The following KIAA1671 variants were observed in gnomAD, a reference collection of about 807,000 sequenced individuals.
KIAA1671 encodes the protein KIAA1671.
KIAA1671 carries 52 observed loss-of-function variants against 131.2 expected under a neutral mutation model. That is an observed-to-expected ratio of 0.40 (90% confidence interval 0.32 to 0.50). KIAA1671 has a LOEUF of 0.50. Ranked by LOEUF, KIAA1671 falls within the 20% of genes least tolerant of loss-of-function variation. KIAA1671 has a pLI of 0.73. For synonymous variants in KIAA1671, 1,003 were observed against 961.6 expected, an observed-to-expected ratio of 1.04 and a Z score of -0.80; for missense variants, 2,360 against 2,364.2, an observed-to-expected ratio of 1.00 and a Z score of 0.04.
chr22:25,006,014 T>TAGC (rs1360928320), intron 1 of KIAA1671, among the ~76,000 whole-genome samples: 1 of 152,088 alleles, frequency 6.6e-6, no homozygotes, highest in African/African-American at 2.4e-5. Context: ...GAGCATTGAA[T>TAGC]AGCCAATTTT....
chr22:25,182,865 C>T (rs1383403552), intron 10 of KIAA1671, among the ~76,000 whole-genome samples: 3 of 152,192 alleles, frequency 2.0e-5, no homozygotes, highest in Non-Finnish European at 4.4e-5. Context: ...AGAAAATGAT[C>T]ATTTCAGTAC....
At chr22:25,130,709 G>A (rs2145944160) in intron 6 of KIAA1671, among the ~76,000 whole-genome samples, 1 of 152,338 alleles carries the variant, frequency 6.6e-6, no homozygotes, top group African/African-American at 2.4e-5. Flanking sequence ...ACTCGGAGCT[G>A]TGCCTTTCCC....
chr22:25,031,150 C>T (rs1369596984), intron 3 of KIAA1671, among the ~76,000 whole-genome samples: 3 of 151,990 alleles, frequency 2.0e-5, no homozygotes, highest in East Asian at 1.9e-4. Context: ...CCTCAGCCTC[C>T]GCAGTAGCTG....
chr22:25,030,258 C>A (rs1330251548), intron 3 of KIAA1671, among the ~76,000 whole-genome samples: 1 of 151,876 alleles, frequency 6.6e-6, no homozygotes, highest in Non-Finnish European at 1.5e-5. Flanking sequence ...TGTTCTAGGC[C>A]GGGCGCGGTG....
chr22:25,187,377 T>A (rs548585101), intron 11 of KIAA1671, among the ~76,000 whole-genome samples: 1 of 152,364 alleles, frequency 6.6e-6, no homozygotes, highest in East Asian at 1.9e-4. Flanking sequence ...TTCTTTGTAA[T>A]GTAGCTGAGA....
At position 24,997,855 on chromosome 22, in the gene KIAA1671, ACC is replaced by A. The variant is rs771518816; in HGVS notation, c.-207-27775_-207-27774del. Among the ~76,000 whole-genome samples, 13 of 152,192 alleles carry A rather than the reference ACC, an allele frequency of 8.5e-5. 1 individual carries two copies. Among genetic ancestry groups the A allele is most frequent in the South Asian group, 4.2e-4 (2 of 4,808 alleles). On this transcript the variant is annotated intron_variant, in intron 1 of 12. Transcript: ENST00000358431. ...CTCAGGTCCCAGAGAGCATCTTTAT[ACC>A]CCTTCCTAGTCACAGTCCCCAAAAG...
intron 1 of KIAA1671, among the ~76,000 whole-genome samples, chr22:24,972,540 C>T (rs1340989670): frequency 1.3e-5 from 2 of 152,320 alleles, no homozygotes; most frequent in Admixed American, 1.3e-4. Flanking sequence ...ATTCATCTAT[C>T]ATTTCATTCA....
At chr22:25,081,832 G>A (rs1387150324) in intron 6 of KIAA1671, among the ~76,000 whole-genome samples, 1 of 152,048 alleles carries the variant, frequency 6.6e-6, no homozygotes, top group Non-Finnish European at 1.5e-5. Context: ...GGAAGGAGAA[G>A]GGAGGATCAT....
intron 6 of KIAA1671, among the ~76,000 whole-genome samples, chr22:25,104,329 C>G (rs369074461): frequency 4.2e-4 from 64 of 152,160 alleles, no homozygotes; most frequent in African/African-American, 1.5e-3. Context: ...CTAGGATGCA[C>G]AGTCCTGGAA....
At position 25,038,943 on chromosome 22, in the gene KIAA1671, C is replaced by G; in HGVS notation, c.1813C>G (p.Arg605Gly). The G allele has an allele frequency of 6.4e-7, 1 of 1,551,668 alleles. No homozygotes were observed. The highest frequency in any genetic ancestry group is 8.7e-7 in the Non-Finnish European group (1 of 1,146,994). The change falls in exon 5 of 13, where the codon CGG becomes GGG. Residue 605 changes from arginine (R) to glycine (G), a missense_variant. Arg to Gly is a moderately radical substitution (Grantham distance 125, BLOSUM62 -2). Coordinates refer to ENST00000358431, the MANE Select transcript of KIAA1671 (RefSeq NM_001145206.2). ...TTCTGACGTCACTCCAGAGGATGAC[C>G]GGAGCTTCCAGACTGTGTGGGCCAC... ...CPSDVTPEDDRSFQTVWATVF... is the reference protein window; with the variant it reads ...CPSDVTPEDDGSFQTVWATVF...
intron 3 of KIAA1671, among the ~76,000 whole-genome samples, chr22:25,031,657 C>T (rs953332542): frequency 5.9e-5 from 9 of 152,280 alleles, no homozygotes; most frequent in African/African-American, 1.7e-4. Context: ...TAAAAGCTTC[C>T]AAGTCGATCT....
In KIAA1671 at chr22:25,055,799, GATAGATATAGAT is replaced by G. The variant is rs61263852; in HGVS notation, c.4530+6455_4530+6466del. The G allele has an allele frequency of 1.0e-4, 13 of 128,432 alleles. 1 individual carries two copies. The highest frequency in any genetic ancestry group is 5.8e-4 in the South Asian group (2 of 3,422). The allele number at this position is 128,432 out of a possible 1,614,324, so 8.0% of individuals were successfully genotyped here. On this transcript the variant is annotated intron_variant, in intron 6 of 12. Transcript: ENST00000358431. The stretch of plus-strand genomic sequence containing the variant: ...ACAAACATATATATAGATAGATATA[GATAGATATAGAT>G]ATAGATATAGATATAGATAGATATA...
intron 1 of KIAA1671, among the ~76,000 whole-genome samples, chr22:24,972,904 G>A (rs565891533): frequency 3.9e-5 from 6 of 152,310 alleles, no homozygotes; most frequent in Non-Finnish European, 7.3e-5. Context: ...GTGGAAGACG[G>A]TGTCTGCTTT....
intron 6 of KIAA1671, among the ~76,000 whole-genome samples, chr22:25,145,945 G>GAA (rs11337979): frequency 7.4e-6 from 1 of 135,116 alleles, no homozygotes; most frequent in Non-Finnish European, 1.6e-5. Flanking sequence ...ATCTCTAAAA[G>GAA]AAAAAAAAAA....
chr22:24,978,022 T>C (rs549729659), intron 1 of KIAA1671, among the ~76,000 whole-genome samples: 166 of 152,234 alleles, frequency 1.1e-3, no homozygotes, highest in African/African-American at 3.8e-3. Context: ...GCAGTTAACG[T>C]ATTGAACACA....
At chr22:25,030,373 A>G (rs1926216887) in intron 3 of KIAA1671, among the ~76,000 whole-genome samples, 1 of 152,174 alleles carries the variant, frequency 6.6e-6, no homozygotes, top group African/African-American at 2.4e-5. Context: ...TGTCTCTACT[A>G]AAAATACAAA....
chr22:25,189,131 T>C (rs4566467), intron 11 of KIAA1671, among the ~76,000 whole-genome samples: 20,419 of 148,094 alleles, frequency 0.14, 1,514 homozygotes, highest in Non-Finnish European at 0.18. Flanking sequence ...TTTTTCTTTT[T>C]TTTTTTTTTT....
chr22:24,996,174 G>T lies in KIAA1671; in HGVS notation c.-207-29459G>T, dbSNP rs987416344. Among the ~76,000 whole-genome samples, 11 of 152,012 alleles carry T rather than the reference G, an allele frequency of 7.2e-5. No individual in the cohort carries two copies. In the East Asian group the frequency reaches 1.9e-3, roughly 27 times the overall value. ...GGGGAAGCGACCCCTGTGTATGCAG[G>T]TGGCTATGCTAAGAGCTGGTGATAG... On this transcript the variant is annotated intron_variant, in intron 1 of 12. Coordinates refer to ENST00000358431, the MANE Select transcript of KIAA1671 (RefSeq NM_001145206.2).
At chr22:24,966,613 C>G (rs189032007) in intron 1 of KIAA1671, among the ~76,000 whole-genome samples, 2 of 152,284 alleles carry the variant, frequency 1.3e-5, no homozygotes, top group Admixed American at 1.3e-4. Context: ...CTGTGCTTAT[C>G]AAGTGAAGAG....
Sources: gnomAD v4.1 joint callset for allele counts (sites outside exome capture counted in the v4.1 genomes callset) on GRCh38, gnomAD v4.1.1 for gene constraint, MANE v1.5 for transcripts, NCBI Gene and HGNC (gene_info 2026-07-23, HGNC 2026-07-21) for gene names.